IMMP2L: variants seen among roughly 807,000 people sequenced by gnomAD.
IMMP2L encodes inner mitochondrial membrane peptidase subunit 2.
IMMP2L carries 18 observed loss-of-function variants against 19.3 expected under a neutral mutation model. The ratio of observed to expected loss-of-function variants is 0.93; its 90% confidence interval spans 0.64 to 1.38. IMMP2L has a LOEUF of 1.38. Among genes scored for constraint, IMMP2L ranks in the 40% most tolerant of loss-of-function variants. The pLI, the probability that IMMP2L is intolerant of heterozygous loss-of-function variation, is 0.00. For synonymous variants in IMMP2L, 76 were observed against 73.0 expected, an observed-to-expected ratio of 1.04 and a Z score of -0.21; for missense variants, 233 against 218.2, an observed-to-expected ratio of 1.07 and a Z score of -0.43.
At chr7:110,749,083 A>G (rs1233659018) in intron 5 of IMMP2L, among the ~76,000 whole-genome samples, 3 of 152,248 alleles carry the variant, frequency 2.0e-5, no homozygotes. Context: ...AAAGTGGGCA[A>G]AGGATATGAA....
chr7:111,064,766 G>A (rs1202593620), intron 3 of IMMP2L, among the ~76,000 whole-genome samples: 2 of 152,152 alleles, frequency 1.3e-5, no homozygotes, highest in East Asian at 3.9e-4. Flanking sequence ...GCTAAGAAGG[G>A]GGTTACAGTG....
At chr7:110,867,479 G>A (rs1808091517) in intron 5 of IMMP2L, among the ~76,000 whole-genome samples, 1 of 151,996 alleles carries the variant, frequency 6.6e-6, no homozygotes, top group Non-Finnish European at 1.5e-5. Flanking sequence ...ACAATAAAAT[G>A]TATGAGCAAG....
intron 5 of IMMP2L, among the ~76,000 whole-genome samples, chr7:110,848,485 G>T (rs1805888880): frequency 6.6e-6 from 1 of 152,144 alleles, no homozygotes; most frequent in Admixed American, 6.6e-5. Context: ...AGTCACTTTA[G>T]AATACAGTGT....
At chr7:111,035,810 CCCCTTT>C (rs1324567888) in intron 3 of IMMP2L, among the ~76,000 whole-genome samples, 1 of 152,102 alleles carries the variant, frequency 6.6e-6, no homozygotes, top group African/African-American at 2.4e-5. Context: ...AACAAAGTAA[CCCCTTT>C]CCTAAATGGA....
intron 5 of IMMP2L, among the ~76,000 whole-genome samples, chr7:110,850,549 G>C (rs1299073513): frequency 6.6e-6 from 1 of 152,038 alleles, no homozygotes; most frequent in African/African-American, 2.4e-5. Flanking sequence ...GCAATGCAAG[G>C]AACGGTACCA....
chr7:111,071,792 G>T (rs1453400116), intron 3 of IMMP2L, among the ~76,000 whole-genome samples: 2 of 152,094 alleles, frequency 1.3e-5, no homozygotes, highest in African/African-American at 4.8e-5. Flanking sequence ...AAAACACTTT[G>T]TAACTTGATA....
intron 3 of IMMP2L, among the ~76,000 whole-genome samples, chr7:111,140,189 CAG>C (rs556472470): frequency 5.3e-5 from 8 of 152,174 alleles, no homozygotes; most frequent in African/African-American, 9.6e-5. Context: ...GACCAAGACT[CAG>C]GGGGGATTTC....
chr7:111,251,787 G>A (rs1218648967), intron 3 of IMMP2L, among the ~76,000 whole-genome samples: 1 of 152,008 alleles, frequency 6.6e-6, no homozygotes, highest in Admixed American at 6.6e-5. Flanking sequence ...GCTAATGGAT[G>A]CTGGGCCTAA....
At chr7:111,403,445 A>G (rs1402849502) in intron 3 of IMMP2L, among the ~76,000 whole-genome samples, 1 of 149,820 alleles carries the variant, frequency 6.7e-6, no homozygotes, top group Non-Finnish European at 1.5e-5. Context: ...AATACAGCCC[A>G]GGTATATATA....
At chr7:111,098,025 A>C (rs1203181370) in intron 3 of IMMP2L, among the ~76,000 whole-genome samples, 1 of 151,886 alleles carries the variant, frequency 6.6e-6, no homozygotes, top group East Asian at 1.9e-4. Flanking sequence ...AGTGCAACAG[A>C]ACAGAATGGA....
chr7:111,170,753 A>AT (rs1268184006), intron 3 of IMMP2L, among the ~76,000 whole-genome samples: 1 of 151,676 alleles, frequency 6.6e-6, no homozygotes, highest in African/African-American at 2.4e-5. Context: ...TCTTTTTTAA[A>AT]TTTTTTAATT....
At chr7:111,512,591 G>A (rs150682961) in intron 2 of IMMP2L, among the ~76,000 whole-genome samples, 1,641 of 151,740 alleles carry the variant, frequency 0.011, 36 homozygotes, top group African/African-American at 0.036. Context: ...GTCATTTTTC[G>A]CAGAAATACA....
intron 3 of IMMP2L, among the ~76,000 whole-genome samples, chr7:111,269,623 A>C (rs1763038772): frequency 6.6e-6 from 1 of 151,876 alleles, no homozygotes; most frequent in African/African-American, 2.4e-5. Context: ...AGTTTTAATT[A>C]ATGGTAGTAT....
intron 5 of IMMP2L, among the ~76,000 whole-genome samples, chr7:110,825,865 C>G (rs1457126044): frequency 4.6e-5 from 7 of 152,120 alleles, no homozygotes; most frequent in Non-Finnish European, 8.8e-5. Context: ...AGAGCTTCTG[C>G]ACAGCAAAAG....
At position 111,458,808 on chromosome 7, in the gene IMMP2L, C is replaced by G. The variant is rs531156206; in HGVS notation, c.239+28430G>C. On this transcript the variant is annotated intron_variant, in intron 3 of 5. Coordinates refer to ENST00000405709, the MANE Select transcript of IMMP2L (RefSeq NM_032549.4). The stretch of plus-strand genomic sequence containing the variant: ...AACATTTTTAGCCTTTATTTTTAAC[C>G]AGTCTCTGATTCTGTATTTCCAGTT... Among the ~76,000 whole-genome samples the G allele has an allele frequency of 2.6e-5, 4 of 152,234 alleles. No homozygotes were observed. The South Asian group carries it at 8.3e-4, about 32-fold the overall frequency.
chr7:111,421,457 A>G (rs570340093), intron 3 of IMMP2L, among the ~76,000 whole-genome samples: 1 of 150,398 alleles, frequency 6.6e-6, no homozygotes, highest in Non-Finnish European at 1.5e-5. Context: ...TATTTTTAGT[A>G]GAGACGGGGT....
chr7:110,705,409 G>A (rs564723507), intron 5 of IMMP2L, among the ~76,000 whole-genome samples: 1 of 151,972 alleles, frequency 6.6e-6, no homozygotes, highest in East Asian at 1.9e-4. Context: ...TCTGCTTGCT[G>A]TGAACTGATT....
chr7:111,291,996 CT>C (rs1821161489), intron 3 of IMMP2L, among the ~76,000 whole-genome samples: 2 of 152,170 alleles, frequency 1.3e-5, no homozygotes, highest in Admixed American at 1.3e-4. Context: ...GATTTAAGCT[CT>C]TTCTTGCCTG....
At chr7:111,343,100 G>A (rs992963167) in intron 3 of IMMP2L, among the ~76,000 whole-genome samples, 6 of 152,006 alleles carry the variant, frequency 3.9e-5, no homozygotes, top group Admixed American at 2.6e-4. Flanking sequence ...CTAGACTTTT[G>A]CAGAATATTA....
Sources: gnomAD v4.1 joint callset for allele counts (sites outside exome capture counted in the v4.1 genomes callset) on GRCh38, gnomAD v4.1.1 for gene constraint, MANE v1.5 for transcripts, NCBI Gene and HGNC (gene_info 2026-07-23, HGNC 2026-07-21) for gene names.